The following PRDM16 variants were observed in gnomAD, a reference collection of about 807,000 sequenced individuals.
The protein encoded by PRDM16 is PR/SET domain 16.
In PRDM16, 23 loss-of-function variants were observed where a neutral mutation model predicts 110.6. The observed-to-expected ratio is 0.21, with a 90% confidence interval of 0.15 to 0.29. PRDM16 has a LOEUF of 0.29. Among genes scored for constraint, PRDM16 ranks in the 10% least tolerant of loss-of-function variants. The pLI is 1.00. For missense variants in PRDM16, 1,615 were observed against 1,794.3 expected (o/e 0.90, Z 1.81); for synonymous variants, 799 against 781.8 (o/e 1.02, Z -0.37).
intron 3 of PRDM16, among the ~76,000 whole-genome samples, chr1:3,376,629 G>A (rs981426635): frequency 2.6e-5 from 4 of 152,186 alleles, no homozygotes; most frequent in African/African-American, 4.8e-5. Flanking sequence ...CTCTCTCTGC[G>A]AGTTTAGGAG....
At chr1:3,391,209 C>T (rs116102251) in intron 4 of PRDM16, among the ~76,000 whole-genome samples, 91 of 152,206 alleles carry the variant, frequency 6.0e-4, no homozygotes, top group African/African-American at 2.1e-3. Flanking sequence ...TCCCACCATG[C>T]GACACAGTTT....
intron 3 of PRDM16, among the ~76,000 whole-genome samples, chr1:3,266,624 C>G (rs1043603270): frequency 1.3e-5 from 2 of 152,244 alleles, no homozygotes; most frequent in African/African-American, 4.8e-5. Context: ...CCTGCACCCT[C>G]CGCCGCTCCC....
At chr1:3,126,867 C>A (rs1177516904) in intron 1 of PRDM16, among the ~76,000 whole-genome samples, 1 of 152,176 alleles carries the variant, frequency 6.6e-6, no homozygotes, top group Non-Finnish European at 1.5e-5. Context: ...GGCATGGTTG[C>A]TCTGGTGTCA....
intron 1 of PRDM16, among the ~76,000 whole-genome samples, chr1:3,121,695 G>T (rs542873629): frequency 6.6e-6 from 1 of 152,362 alleles, no homozygotes; most frequent in Admixed American, 6.5e-5. Context: ...GGGGATCCGG[G>T]GCAGGGCCAA....
At chr1:3,384,442 A>G (rs1643161458) in intron 3 of PRDM16, among the ~76,000 whole-genome samples, 1 of 152,136 alleles carries the variant, frequency 6.6e-6, no homozygotes, top group South Asian at 2.1e-4. Flanking sequence ...AGTGGACAGC[A>G]GGTCAGGTCT....
intron 1 of PRDM16, among the ~76,000 whole-genome samples, chr1:3,073,393 A>G (rs1217853500): frequency 6.6e-6 from 1 of 152,282 alleles, no homozygotes; most frequent in Admixed American, 6.5e-5. Context: ...TCCGGGATTA[A>G]AAATCTTTTG....
chr1:3,389,808 G>A (rs534059860), intron 4 of PRDM16, among the ~76,000 whole-genome samples: 1 of 152,262 alleles, frequency 6.6e-6, no homozygotes, highest in South Asian at 2.1e-4. Context: ...TGGGACTTTC[G>A]GGGCAATCAG....
intron 3 of PRDM16, among the ~76,000 whole-genome samples, chr1:3,257,075 G>A (rs374878197): frequency 6.6e-5 from 10 of 152,166 alleles, no homozygotes; most frequent in African/African-American, 1.9e-4. Flanking sequence ...GTTAAGTGAC[G>A]CACGTAGGGC....
At chr1:3,372,978 C>T (rs1034377579) in intron 3 of PRDM16, among the ~76,000 whole-genome samples, 2 of 152,200 alleles carry the variant, frequency 1.3e-5, no homozygotes, top group African/African-American at 4.8e-5. Context: ...GGGGATTTTG[C>T]ACCAATGGCC....
intron 3 of PRDM16, among the ~76,000 whole-genome samples, chr1:3,258,425 C>G (rs1640094204): frequency 6.6e-6 from 1 of 152,204 alleles, no homozygotes; most frequent in Non-Finnish European, 1.5e-5. Flanking sequence ...GCGTTGGCCT[C>G]TTCTTATGCT....
chr1:3,285,423 T>C (rs1406589136), intron 3 of PRDM16, among the ~76,000 whole-genome samples: 15 of 152,276 alleles, frequency 9.9e-5, no homozygotes, highest in Non-Finnish European at 1.9e-4. Context: ...CTGCAAAGCA[T>C]TCCCAGGCCA....
chr1:3,098,449 CA>C (rs923966136), intron 1 of PRDM16, among the ~76,000 whole-genome samples: 2 of 152,148 alleles, frequency 1.3e-5, no homozygotes, highest in African/African-American at 4.8e-5. Flanking sequence ...TTGTCTCCCC[CA>C]CTCACCGCTC....
intron 2 of PRDM16, among the ~76,000 whole-genome samples, chr1:3,232,741 C>G (rs977433640): frequency 4.6e-5 from 7 of 152,176 alleles, no homozygotes; most frequent in Non-Finnish European, 8.8e-5. Flanking sequence ...CCATATTCTG[C>G]TCGGATATGG....
chr1:3,093,072 G>A (rs936800863), intron 1 of PRDM16, among the ~76,000 whole-genome samples: 1 of 152,168 alleles, frequency 6.6e-6, no homozygotes, highest in South Asian at 2.1e-4. Flanking sequence ...GCCCTCAATA[G>A]TAACTTCCCT....
chr1:3,126,664 G>A (rs1432958916), intron 1 of PRDM16, among the ~76,000 whole-genome samples: 1 of 152,194 alleles, frequency 6.6e-6, no homozygotes, highest in Non-Finnish European at 1.5e-5. Flanking sequence ...GCTCTGTCAG[G>A]GACCCTGCCC....
intron 1 of PRDM16, among the ~76,000 whole-genome samples, chr1:3,156,542 AC>A (rs1225122656): frequency 6.6e-6 from 1 of 152,000 alleles, no homozygotes; most frequent in Non-Finnish European, 1.5e-5. Context: ...GTTTGCTGTC[AC>A]CCCTCCTCCT....
chr1:3,256,531 C>T (rs1309580483), intron 3 of PRDM16, among the ~76,000 whole-genome samples: 1 of 152,190 alleles, frequency 6.6e-6, no homozygotes, highest in Non-Finnish European at 1.5e-5. Flanking sequence ...GTACTGTCCA[C>T]CTGTTTTCCT....
Position 3,244,065 on chromosome 1 carries a change from C to T in PRDM16, c.388-22C>T, listed in dbSNP as rs762294916. 4 of 1,613,030 alleles carry T rather than the reference C, an allele frequency of 2.5e-6. No individual in the cohort carries two copies. Among genetic ancestry groups the T allele is most frequent in the Non-Finnish European group, 3.4e-6 (4 of 1,179,114 alleles). ...GAATGTTTTATCAGAAACTAACAAC[C>T]CCTCTCAAAATTGTTTTGCAGCAAA... On this transcript the variant is annotated intron_variant, in intron 2 of 16. Coordinates refer to ENST00000270722, the MANE Select transcript of PRDM16 (RefSeq NM_022114.4). This position sits in a 1 kb window ranked among gnomAD's most constrained non-coding sequence, Gnocchi z 4.1.
In PRDM16 at chr1:3,436,350, G is replaced by A. The variant is rs987197489; in HGVS notation, c.*2539G>A. 1.6e-4 allele frequency: 38 copies of A among 230,444 alleles called. No homozygotes were observed. The highest frequency in any genetic ancestry group is 2.4e-4 in the Non-Finnish European group (28 of 116,426). The allele number at this position is 230,444 out of a possible 1,614,324, so 14.3% of individuals were successfully genotyped here. ...CCCCCAGTCCCATCCCGCCGTTTTCGGCTGTCTTCCTAACCGTCCTGTCTT... is the reference window on the plus strand; with the variant it reads ...CCCCCAGTCCCATCCCGCCGTTTTCAGCTGTCTTCCTAACCGTCCTGTCTT... On this transcript the variant is annotated 3_prime_UTR_variant, in exon 17 of 17. Transcript: ENST00000270722.
Sources: allele counts gnomAD v4.1 joint callset (sites outside exome capture counted in the v4.1 genomes callset), GRCh38; gene constraint gnomAD v4.1.1; non-coding constraint Gnocchi (gnomAD v3.1); transcripts MANE v1.5; gene names NCBI Gene and HGNC (gene_info 2026-07-23, HGNC 2026-07-21).